The following ASAH2 variants were observed in gnomAD, a reference collection of about 807,000 sequenced individuals.
ASAH2 encodes the protein N-acylsphingosine amidohydrolase 2, also known as neutral ceramidase.
ASAH2 carries 58 observed loss-of-function variants against 82.9 expected under a neutral mutation model. The observed-to-expected ratio is 0.70, with a 90% CI of 0.57 to 0.87. The LOEUF is 0.87. Ranked by LOEUF, ASAH2 falls within the 40% of genes least tolerant of loss-of-function variation. ASAH2 has a pLI of 0.00. For synonymous variants in ASAH2, 276 were observed against 289.7 expected (o/e 0.95, Z 0.48); for missense variants, 779 against 834.0 (o/e 0.93, Z 0.81).
intron 7 of ASAH2, among the ~76,000 whole-genome samples, chr10:50,221,438 C>T (rs1845740757): frequency 6.6e-6 from 1 of 152,176 alleles, no homozygotes; most frequent in African/African-American, 2.4e-5. Context: ...ATTCTGCTGA[C>T]ATTATTTAGC....
intron 8 of ASAH2, among the ~76,000 whole-genome samples, chr10:50,217,757 A>G (rs995808853): frequency 7.2e-5 from 11 of 152,178 alleles, no homozygotes; most frequent in Non-Finnish European, 1.6e-4. Flanking sequence ...GCTGAATGTT[A>G]ATGGAAGCTA....
chr10:50,218,699 G>T lies in ASAH2; in HGVS notation c.894-69C>A. The T allele has an allele frequency of 2.5e-6, 4 of 1,584,242 alleles. No individual in the cohort carries two copies. In the South Asian group the frequency reaches 3.3e-5, roughly 13 times the overall value. On this transcript the variant is annotated intron_variant, in intron 7 of 20. Transcript: ENST00000682911. ...GAACTGGGGCCAAGAACTATGACTG[G>T]GAGCTTAAGTTTTCTCCAGCAGGAA...
intron 7 of ASAH2, among the ~76,000 whole-genome samples, chr10:50,230,709 A>G (rs1846000069): frequency 6.6e-6 from 1 of 152,118 alleles, no homozygotes; most frequent in Non-Finnish European, 1.5e-5. Context: ...TCTGGCCAAA[A>G]TAATAGTATT....
chr10:50,236,432 C>T (rs927658873), intron 4 of ASAH2, among the ~76,000 whole-genome samples: 1 of 151,976 alleles, frequency 6.6e-6, no homozygotes, highest in African/African-American at 2.4e-5. Flanking sequence ...ATGGGGGTAC[C>T]CACCCTCATG....
intron 4 of ASAH2, among the ~76,000 whole-genome samples, chr10:50,238,666 A>G (rs1846219403): frequency 1.3e-5 from 2 of 152,172 alleles, no homozygotes; most frequent in Non-Finnish European, 2.9e-5. Context: ...GGAAGGTAGT[A>G]GAGAAAAAGA....
At chr10:50,216,984 T>C (rs1173412711) in intron 8 of ASAH2, among the ~76,000 whole-genome samples, 1 of 152,164 alleles carries the variant, frequency 6.6e-6, no homozygotes, top group South Asian at 2.1e-4. Flanking sequence ...AAAACTCATG[T>C]TGAAATTTGA....
rs988364853 is a variant in ASAH2, at chr10:50,227,233, A to G, written c.893+5951T>C. Among the ~76,000 whole-genome samples, 317 of 152,334 alleles carry G rather than the reference A, an allele frequency of 2.1e-3. 1 individual carries two copies. The highest frequency in any genetic ancestry group is 2.4e-3 in the African/African-American group (99 of 41,590). On this transcript the variant is annotated intron_variant, in intron 7 of 20. Transcript: ENST00000682911. The stretch of plus-strand genomic sequence containing the variant: ...CAAAGAAAATGATAGAAAAATATAC[A>G]TGGCAAATTCTGGGTTAGCCACATT...
chr10:50,202,393 T>C (rs1845173681), intron 16 of ASAH2, among the ~76,000 whole-genome samples: 1 of 152,040 alleles, frequency 6.6e-6, no homozygotes, highest in African/African-American at 2.4e-5. Flanking sequence ...ATCAATATAA[T>C]AACACCCTAC....
At chr10:50,222,318 G>T (rs1326704390) in intron 7 of ASAH2, among the ~76,000 whole-genome samples, 5 of 152,188 alleles carry the variant, frequency 3.3e-5, no homozygotes, top group African/African-American at 1.2e-4. Context: ...TCACTCTGTT[G>T]CCCAGGCTGG....
chr10:50,224,947 G>A (rs1845840795), intron 7 of ASAH2, among the ~76,000 whole-genome samples: 1 of 152,148 alleles, frequency 6.6e-6, no homozygotes, highest in Admixed American at 6.5e-5. Flanking sequence ...AAGATAATGA[G>A]CTCTAGCCAG....
At chr10:50,212,106 A>G (rs1395761823) in intron 10 of ASAH2, among the ~76,000 whole-genome samples, 1 of 152,042 alleles carries the variant, frequency 6.6e-6, no homozygotes, top group Non-Finnish European at 1.5e-5. Flanking sequence ...TTTGTGTCAG[A>G]TTGTTCTTTA....
At chr10:50,237,810 C>T (rs1047110454) in intron 4 of ASAH2, among the ~76,000 whole-genome samples, 1 of 152,130 alleles carries the variant, frequency 6.6e-6, no homozygotes, top group African/African-American at 2.4e-5. Flanking sequence ...AATGACCCAG[C>T]AGTATGTAAC....
At chr10:50,197,137 G>A (rs1289894233) in intron 17 of ASAH2, among the ~76,000 whole-genome samples, 3 of 150,062 alleles carry the variant, frequency 2.0e-5, no homozygotes, top group African/African-American at 7.4e-5. Context: ...GAAAGTTTTG[G>A]TCATAGGCAA....
intron 14 of ASAH2, among the ~76,000 whole-genome samples, chr10:50,204,040 C>T (rs1424998524): frequency 6.6e-6 from 1 of 151,734 alleles, no homozygotes; most frequent in Non-Finnish European, 1.5e-5. Flanking sequence ...GTAATAAAGC[C>T]AATGTGGCTG....
chr10:50,229,067 G>C (rs967221369), intron 7 of ASAH2, among the ~76,000 whole-genome samples: 1 of 152,136 alleles, frequency 6.6e-6, no homozygotes, highest in African/African-American at 2.4e-5. Flanking sequence ...CTACCACTCA[G>C]ATTATCTGCA....
chr10:50,203,598 CAAA>C, intron 15 of ASAH2, 39 bp downstream of exon 15: 2 of 1,109,526 alleles, frequency 1.8e-6, no homozygotes, highest in Non-Finnish European at 2.7e-6. Flanking sequence ...TCCTCTTCAC[CAAA>C]CATGAACATG....
intron 3 of ASAH2, 147 bp from the exon 4 acceptor site, chr10:50,243,498 C>A: frequency 4.9e-6 from 4 of 812,908 alleles, no homozygotes; most frequent in Non-Finnish European, 7.1e-6. Context: ...ATATATGTTT[C>A]AAAAATTAAA....
chr10:50,209,892 T>A (rs1315374008), intron 12 of ASAH2, among the ~76,000 whole-genome samples: 4 of 152,042 alleles, frequency 2.6e-5, no homozygotes, highest in African/African-American at 9.7e-5. Flanking sequence ...TAATAACAAG[T>A]ATTGGCAAAT....
chr10:50,212,848 A>G, intron 10 of ASAH2, 124 bp downstream of exon 10: 2 of 981,892 alleles, frequency 2.0e-6, no homozygotes, highest in Middle Eastern at 2.3e-4. Context: ...CCTCTTCTAG[A>G]CTCCCCAGCA....
Sources: allele counts gnomAD v4.1 joint callset (sites outside exome capture counted in the v4.1 genomes callset), GRCh38; gene constraint gnomAD v4.1.1; transcripts MANE v1.5; gene names NCBI Gene and HGNC (gene_info 2026-07-23, HGNC 2026-07-21).